The following PTPN23 variants were observed in gnomAD, a reference collection of about 807,000 sequenced individuals.
PTPN23 encodes protein tyrosine phosphatase non-receptor type 23, also known as tyrosine-protein phosphatase non-receptor type 23.
A neutral mutation model predicts 156.3 loss-of-function variants in PTPN23; 72 were observed. The observed-to-expected ratio is 0.46, with a 90% CI of 0.38 to 0.56. The LOEUF (loss-of-function observed/expected upper bound fraction) is 0.56, where lower values mean the gene tolerates loss of function less well. Ranked by LOEUF, PTPN23 falls within the 20% of genes least tolerant of loss-of-function variation. The pLI, the probability that PTPN23 is intolerant of heterozygous loss-of-function variation, is 0.00. For missense variants in PTPN23, 1,974 were observed against 2,171.5 expected, an observed-to-expected ratio of 0.91 and a Z score of 1.81; for synonymous variants, 957 against 899.6, an observed-to-expected ratio of 1.06 and a Z score of -1.14.
Position 47,381,095 on chromosome 3 carries a change from C to T in PTPN23, c.-2C>T. 1.9e-6 allele frequency: 3 copies of T among 1,570,526 alleles called. No homozygotes were observed. Among genetic ancestry groups the T allele is most frequent in the East Asian group, 2.4e-5 (1 of 41,750 alleles). On this transcript the variant is annotated 5_prime_UTR_variant, in exon 1 of 25. Transcript: ENST00000265562. Reference sequence around the variant, plus strand: ...CCGGGTGGCCGGCGGGTGCCAGCCGCCATGGAGGCCGTGCCCCGCATGCCC... The same window carrying T: ...CCGGGTGGCCGGCGGGTGCCAGCCGTCATGGAGGCCGTGCCCCGCATGCCC...
chr3:47,402,707 T>C (rs1022229871), intron 2 of PTPN23, among the ~76,000 whole-genome samples: 1 of 152,206 alleles, frequency 6.6e-6, no homozygotes, highest in Non-Finnish European at 1.5e-5. Context: ...TTGTGGGTTT[T>C]TTTGTTTTTT....
chr3:47,407,061 G>T lies in PTPN23; in HGVS notation c.808-69G>T. The T allele has an allele frequency of 6.3e-7, 1 of 1,598,108 alleles. No homozygotes were observed. The highest frequency in any genetic ancestry group is 8.6e-7 in the Non-Finnish European group (1 of 1,167,154). ...TCATCTGATGGACAGGCAGGGCCGGGTGGGAGGCAGGAGGAGAAAGGGTCC... is the reference window on the plus strand; with the variant it reads ...TCATCTGATGGACAGGCAGGGCCGGTTGGGAGGCAGGAGGAGAAAGGGTCC... On this transcript the variant is annotated intron_variant, in intron 9 of 24. Transcript: ENST00000265562. The surrounding 1 kb of genome is among the most constrained non-coding windows in gnomAD (Gnocchi z 4.0).
chr3:47,382,968 T>G (rs753042526), intron 1 of PTPN23, among the ~76,000 whole-genome samples: 1 of 152,176 alleles, frequency 6.6e-6, no homozygotes, highest in Non-Finnish European at 1.5e-5. Flanking sequence ...ATTATAGGCA[T>G]GAGCCACCGC....
rs775680115 is a variant in PTPN23, at chr3:47,410,465, G to A, written c.2667G>A (p.Ala889=). 7.5e-6 allele frequency: 12 copies of A among 1,609,976 alleles called. No individual in the cohort carries two copies. The highest frequency in any genetic ancestry group is 2.7e-5 in the African/African-American group (2 of 74,710). Residue 889 remains alanine (A), a synonymous_variant, in exon 20 of 25, where the codon GCG becomes GCA. Coordinates refer to ENST00000265562, the MANE Select transcript of PTPN23 (RefSeq NM_015466.4). ...PATTTVDSIQ[A]PIPSHTAPRP... is the part of the protein sequence containing the mutation. The stretch of plus-strand genomic sequence containing the variant: ...CCACCACAGTAGATAGCATCCAGGC[G>A]CCCATCCCCAGCCACACAGCCCCAC...
rs1255665545 is a variant in PTPN23, at chr3:47,409,761, G to A, written c.2056G>A (p.Val686Met). 1 of 1,607,742 alleles carries A rather than the reference G, an allele frequency of 6.2e-7. No individual in the cohort carries two copies. The change falls in exon 19 of 25, where the codon GTG becomes ATG. Residue 686 changes from valine to methionine, a missense_variant. Physicochemically the swap from Val to Met is conservative, Grantham distance 21. Around this residue, in one of 4 missense-constraint regions of PTPN23, gnomAD observed 726 missense variants for 929.5 expected, o/e 0.78. Coordinates refer to ENST00000265562, the MANE Select transcript of PTPN23 (RefSeq NM_015466.4). ...CTTCTACGCAGATCTGGAGAGCAAGGTGGCTGCTCTGCTGGAGCGCACGCA... is the reference window on the plus strand; with the variant it reads ...CTTCTACGCAGATCTGGAGAGCAAGATGGCTGCTCTGCTGGAGCGCACGCA... ...RDFYADLESK[V>M]AALLERTQST... is the part of the protein sequence containing the mutation.
rs1705226339 is a variant in PTPN23 at position 47,409,979 on chromosome 3, G to C, written c.2181G>C (p.Leu727=). Residue 727 remains leucine (L), a synonymous_variant, in exon 20 of 25, where the codon CTG becomes CTC. Coordinates refer to ENST00000265562, the MANE Select transcript of PTPN23 (RefSeq NM_015466.4). ...PPRPTAPKPL[L]PRREESEAVE... is the part of the protein sequence containing the mutation. ...GGCCCACAGCCCCAAAGCCGCTGCT[G>C]CCCCGCAGGGAGGAGAGTGAGGCAG... 6.3e-7 allele frequency: 1 copy of C among 1,589,700 alleles called. No homozygotes were observed. Among genetic ancestry groups the C allele is most frequent in the African/African-American group, 1.4e-5 (1 of 73,880 alleles).
At chr3:47,391,889 GTTAA>G (rs780565055) in intron 1 of PTPN23, among the ~76,000 whole-genome samples, 1 of 152,118 alleles carries the variant, frequency 6.6e-6, no homozygotes, top group Non-Finnish European at 1.5e-5. Flanking sequence ...AAATATTTTA[GTTAA>G]TTAATTATTT....
chr3:47,411,420 G>A lies in PTPN23; in HGVS notation c.3622G>A (p.Gly1208Ser), dbSNP rs1035488063. Residue 1208 changes from glycine to serine, a missense_variant, in exon 20 of 25, where the codon GGC (glycine) becomes AGC (serine). By Grantham distance (56) the Gly-to-Ser change is moderately conservative. Coordinates refer to ENST00000265562, the MANE Select transcript of PTPN23 (RefSeq NM_015466.4). This position sits in a 1 kb window ranked among gnomAD's most constrained non-coding sequence, Gnocchi z 6.3. ...AGATGCGCAGGAACATGATGCCCGA[G>A]GCCGTTCCATCGCCATTGCCCGCTG... is the stretch of plus-strand genomic sequence containing the variant. ...LQDAQEHDARGRSIAIARCYS... is the reference protein window; with the variant it reads ...LQDAQEHDARSRSIAIARCYS... 6.2e-7 allele frequency: 1 copy of A among 1,613,112 alleles called. No individual in the cohort carries two copies. The highest frequency in any genetic ancestry group is 8.5e-7 in the Non-Finnish European group (1 of 1,180,034).
intron 1 of PTPN23, among the ~76,000 whole-genome samples, chr3:47,382,680 CTTTTTTTTTT>C (rs71098482): frequency 2.7e-4 from 16 of 58,644 alleles, no homozygotes; most frequent in Non-Finnish European, 3.9e-4. Context: ...TTTTTCTTTT[CTTTTTTTTTT>C]TTTTTTTTTT....
In PTPN23 at chr3:47,409,690, A is replaced by G. The variant is rs762592142; in HGVS notation, c.1985A>G (p.Tyr662Cys). 7.5e-6 allele frequency: 12 copies of G among 1,609,680 alleles called. No homozygotes were observed. The highest frequency in any genetic ancestry group is 9.3e-6 in the Non-Finnish European group (11 of 1,179,832). Reference protein sequence around the residue: ...NSTLQTLVASYEAYEDLMKKS... With the variant: ...NSTLQTLVASCEAYEDLMKKS... ...ACGCTGCAGACCCTGGTGGCCTCGT[A>G]TGAAGCCTATGAGGACCTGATGAAG... Residue 662 changes from tyrosine (Y) to cysteine (C), a missense_variant, in exon 19 of 25, where the codon TAT (tyrosine) becomes TGT (cysteine). By Grantham distance (194) the Tyr-to-Cys change is radical. Coordinates refer to ENST00000265562, the MANE Select transcript of PTPN23 (RefSeq NM_015466.4).
chr3:47,401,841 T>A (rs1189872928), intron 2 of PTPN23, among the ~76,000 whole-genome samples: 1 of 152,188 alleles, frequency 6.6e-6, no homozygotes, highest in East Asian at 1.9e-4. Flanking sequence ...AGACTGAGTT[T>A]CAGAGTCTCC....
Position 47,406,375 on chromosome 3 carries a change from G to A in PTPN23, c.597G>A (p.Lys199=), listed in dbSNP as rs1483833882. ...LLEKSMLDNR[K]SFLVARISAQ... ...AGAAGTCGATGTTGGACAACAGGAA[G>A]AGCTTTCTGGTGGCCCGCATCAGTG... The change falls in exon 7 of 25, where the codon AAG becomes AAA. Residue 199 remains lysine, a synonymous_variant. Coordinates refer to ENST00000265562, the MANE Select transcript of PTPN23 (RefSeq NM_015466.4). This position sits in a 1 kb window ranked among gnomAD's most constrained non-coding sequence, Gnocchi z 5.8. The A allele has an allele frequency of 1.2e-6, 2 of 1,613,934 alleles. No homozygotes were observed. Among genetic ancestry groups the A allele is most frequent in the East Asian group, 2.2e-5 (1 of 44,880 alleles).
At chr3:47,396,287 G>C in intron 2 of PTPN23, 70 bp downstream of exon 2, 1 of 1,333,328 alleles carries the variant, frequency 7.5e-7, no homozygotes, top group South Asian at 1.2e-5. Flanking sequence ...TAAAGAAACT[G>C]CCTAGGCTGG....
At chr3:47,389,701 G>A (rs1249701879) in intron 1 of PTPN23, among the ~76,000 whole-genome samples, 1 of 152,076 alleles carries the variant, frequency 6.6e-6, no homozygotes, top group Non-Finnish European at 1.5e-5. Flanking sequence ...TTAGCCAGGC[G>A]TGGTGGCGGG....
chr3:47,407,537 T>C lies in PTPN23; in HGVS notation c.956T>C (p.Ile319Thr). ...TCTGCCAAGAAGGACAACGACTTCA[T>C]TTACCATGAGGCTGTCCCAGCATTG... ...YNSAKKDNDF[I>T]YHEAVPALDT... The change falls in exon 12 of 25, where the codon ATT becomes ACT. Residue 319 changes from isoleucine to threonine, a missense_variant. Ile to Thr is a moderately conservative substitution (Grantham distance 89). This residue lies in a region of PTPN23 where 726 missense variants were observed against 929.5 expected (regional missense o/e 0.78). Coordinates refer to ENST00000265562, the MANE Select transcript of PTPN23 (RefSeq NM_015466.4). This position sits in a 1 kb window ranked among gnomAD's most constrained non-coding sequence, Gnocchi z 4.0. The C allele has an allele frequency of 6.2e-7, 1 of 1,614,060 alleles. No homozygotes were observed. The highest frequency in any genetic ancestry group is 8.5e-7 in the Non-Finnish European group (1 of 1,179,968).
At chr3:47,412,031 G>A in intron 21 of PTPN23, 63 bp from the exon 22 acceptor site, 1 of 1,608,140 alleles carries the variant, frequency 6.2e-7, no homozygotes, top group Non-Finnish European at 8.5e-7. Flanking sequence ...GGTGCTGGGA[G>A]GGATGAGAGC....
intron 2 of PTPN23, among the ~76,000 whole-genome samples, chr3:47,403,362 C>CTT (rs914580109): frequency 4.0e-5 from 6 of 149,596 alleles, no homozygotes; most frequent in South Asian, 2.1e-4. Context: ...ACATTCTTTT[C>CTT]TTTTTTTTTT....
chr3:47,411,025 G>A lies in PTPN23; in HGVS notation c.3227G>A (p.Gly1076Asp). 6.3e-7 allele frequency: 1 copy of A among 1,592,412 alleles called. No individual in the cohort carries two copies. Among genetic ancestry groups the A allele is most frequent in the Non-Finnish European group, 8.5e-7 (1 of 1,169,646 alleles). Residue 1076 changes from glycine (G) to aspartate (D), a missense_variant, in exon 20 of 25, where the codon GGC (glycine) becomes GAC (aspartate). Transcript: ENST00000265562. The surrounding 1 kb of genome is among the most constrained non-coding windows in gnomAD (Gnocchi z 6.3). ...PLTIRGPSSAGQSTPSPHLVP... is the reference protein window; with the variant it reads ...PLTIRGPSSADQSTPSPHLVP... ...ACCATTCGAGGGCCCTCGTCTGCTG[G>A]CCAGTCCACCCCTAGTCCCCACCTG...
At position 47,411,021 on chromosome 3, in the gene PTPN23, G is replaced by C. The variant is rs781559568; in HGVS notation, c.3223G>C (p.Ala1075Pro). The change falls in exon 20 of 25, where the codon GCT becomes CCT. Residue 1075 changes from alanine to proline, a missense_variant. Ala to Pro is a conservative substitution (Grantham distance 27). This residue lies in a region of PTPN23 where 731 missense variants were observed against 669.1 expected (regional missense o/e 1.09). Coordinates refer to ENST00000265562, the MANE Select transcript of PTPN23 (RefSeq NM_015466.4). This position sits in a 1 kb window ranked among gnomAD's most constrained non-coding sequence, Gnocchi z 6.3. ...TCTTACCATTCGAGGGCCCTCGTCT[G>C]CTGGCCAGTCCACCCCTAGTCCCCA... The part of the protein sequence containing the change: ...APLTIRGPSS[A>P]GQSTPSPHLV... 2.5e-6 allele frequency: 4 copies of C among 1,593,298 alleles called. No individual in the cohort carries two copies. In the Admixed American group the frequency reaches 6.8e-5, roughly 27 times the overall value.
Sources: allele counts gnomAD v4.1 joint callset (sites outside exome capture counted in the v4.1 genomes callset), GRCh38; gene constraint gnomAD v4.1.1; regional missense constraint gnomAD v4.1.1; non-coding constraint Gnocchi (gnomAD v3.1); transcripts MANE v1.5; gene names NCBI Gene and HGNC (gene_info 2026-07-23, HGNC 2026-07-21).